Variants in SSBP3 observed in about 807,000 individuals in gnomAD.
SSBP3 encodes the protein single-stranded DNA-binding protein 3.
SSBP3 carries 5 observed loss-of-function variants against 69.6 expected under a neutral mutation model. That is an observed-to-expected ratio of 0.07 (90% CI 0.04 to 0.15). The LOEUF is 0.15. Among genes scored for constraint, SSBP3 ranks in the 10% least tolerant of loss-of-function variants. The pLI is 1.00. For missense variants in SSBP3, 312 were observed against 534.0 expected (o/e 0.58, Z 4.10); for synonymous variants, 196 against 193.4 (o/e 1.01, Z -0.11).
chr1:54,249,152 T>C (rs1017214465), intron 9 of SSBP3, among the ~76,000 whole-genome samples: 6 of 152,164 alleles, frequency 3.9e-5, no homozygotes, highest in Non-Finnish European at 8.8e-5. Flanking sequence ...CCAGAGGAAG[T>C]CCTGAACTGC....
At chr1:54,361,603 G>C (rs1347348150) in intron 4 of SSBP3, among the ~76,000 whole-genome samples, 2 of 152,178 alleles carry the variant, frequency 1.3e-5, no homozygotes, top group Admixed American at 1.3e-4. Context: ...GGGCCTCAGA[G>C]AGGAGGTGCG....
chr1:54,321,758 T>C (rs1457035724), intron 4 of SSBP3, among the ~76,000 whole-genome samples: 1 of 152,212 alleles, frequency 6.6e-6, no homozygotes, highest in Non-Finnish European at 1.5e-5. Context: ...GTCTTCCATG[T>C]GCTATTCTGG....
rs80330572 is a variant in SSBP3, at chr1:54,286,177, T to C, written c.277-4650A>G. The stretch of plus-strand genomic sequence containing the variant: ...AGCCCACAGATAACAGTGGGTGACA[T>C]TGGGTTCTAACCGCCCAGGCCTTCC... On this transcript the variant is annotated intron_variant, in intron 4 of 17. Transcript: ENST00000610401. Among the ~76,000 whole-genome samples, 203 of 152,200 alleles carry C rather than the reference T, an allele frequency of 1.3e-3. No individual in the cohort carries two copies. The East Asian group carries it at 0.019, about 15-fold the overall frequency.
chr1:54,348,750 T>C (rs986032994), intron 4 of SSBP3, among the ~76,000 whole-genome samples: 1 of 152,288 alleles, frequency 6.6e-6, no homozygotes. Context: ...TTCCCCACCA[T>C]AGATACAGCT....
chr1:54,277,191 C>T (rs1645304000), intron 5 of SSBP3, among the ~76,000 whole-genome samples: 1 of 150,302 alleles, frequency 6.7e-6, no homozygotes, highest in Non-Finnish European at 1.5e-5. Context: ...ATATGTACCA[C>T]CACCGACACA....
At chr1:54,384,120 A>AAAAAAAAAAAAAAAC (rs1647897397) in intron 4 of SSBP3, among the ~76,000 whole-genome samples, 1 of 151,764 alleles carries the variant, frequency 6.6e-6, no homozygotes, top group Non-Finnish European at 1.5e-5. Context: ...AAAAAAAAAA[A>AAAAAAAAAAAAAAAC]AAAAAGCAAG....
rs760833387 is a variant in SSBP3 at position 54,239,232 on chromosome 1, G to GA, written c.857-34dup. ...ACAGTGGAAACCCACAAGTCGGGGT[G>GA]ATTAATTCGTTTCTTAATTAAAACA... On this transcript the variant is annotated intron_variant, in intron 13 of 17. Coordinates refer to ENST00000610401, the Ensembl canonical transcript of SSBP3. 6 of 1,545,646 alleles carry GA rather than the reference G, an allele frequency of 3.9e-6. No individual in the cohort carries two copies. The African/African-American group carries it at 6.9e-5, about 18-fold the overall frequency.
intron 4 of SSBP3, among the ~76,000 whole-genome samples, chr1:54,328,618 C>T (rs539782088): frequency 6.6e-6 from 1 of 152,338 alleles, no homozygotes; most frequent in East Asian, 1.9e-4. Context: ...TTGACATCTT[C>T]ACTCACATCT....
chr1:54,387,576 T>C (rs180808774), intron 4 of SSBP3, among the ~76,000 whole-genome samples: 73 of 152,304 alleles, frequency 4.8e-4, no homozygotes, highest in African/African-American at 1.7e-3. Context: ...CTGTCAAAAT[T>C]AGCATTCAGT....
chr1:54,301,607 G>A (rs899792231), intron 4 of SSBP3, among the ~76,000 whole-genome samples: 3 of 152,226 alleles, frequency 2.0e-5, no homozygotes, highest in African/African-American at 7.2e-5. Flanking sequence ...TAACCCTGAA[G>A]AGGCGCTCAG....
intron 5 of SSBP3, among the ~76,000 whole-genome samples, chr1:54,279,141 G>T (rs1645345048): frequency 6.6e-6 from 1 of 152,198 alleles, no homozygotes. Flanking sequence ...CCAGGAAGCA[G>T]AGAGGCCAAG....
At chr1:54,298,016 A>T (rs1312404817) in intron 4 of SSBP3, among the ~76,000 whole-genome samples, 1 of 152,152 alleles carries the variant, frequency 6.6e-6, no homozygotes, top group East Asian at 1.9e-4. Context: ...GCTGGGCCAG[A>T]TGCGCAGGCC....
At chr1:54,346,049 T>C (rs966681521) in intron 4 of SSBP3, among the ~76,000 whole-genome samples, 1 of 150,966 alleles carries the variant, frequency 6.6e-6, no homozygotes, top group Non-Finnish European at 1.5e-5. Flanking sequence ...TGTACTCCCA[T>C]CTACTCAGGA....
chr1:54,402,035 T>G (rs953436255), intron 3 of SSBP3, 90 bp from the exon 4 acceptor site: 4 of 1,136,776 alleles, frequency 3.5e-6, no homozygotes, highest in Non-Finnish European at 5.1e-6. Flanking sequence ...CTAACAGTAC[T>G]AGGTCTCCCA....
intron 4 of SSBP3, among the ~76,000 whole-genome samples, chr1:54,284,441 G>C (rs988463122): frequency 1.4e-5 from 2 of 145,126 alleles, no homozygotes; most frequent in Non-Finnish European, 3.0e-5. Context: ...TGAGGATCTA[G>C]ACTAAGGGTA....
intron 4 of SSBP3, among the ~76,000 whole-genome samples, chr1:54,376,321 C>T (rs540218513): frequency 2.3e-4 from 35 of 152,320 alleles, no homozygotes; most frequent in African/African-American, 7.2e-4. Context: ...CACAATTCCA[C>T]TTTTAGGCAT....
intron 5 of SSBP3, among the ~76,000 whole-genome samples, chr1:54,259,763 G>A (rs1283228928): frequency 2.0e-5 from 3 of 152,220 alleles, no homozygotes; most frequent in Non-Finnish European, 4.4e-5. Context: ...CGAGGGCGCC[G>A]CCGCTGTGAG....
chr1:54,374,403 C>T (rs1220440632), intron 4 of SSBP3, among the ~76,000 whole-genome samples: 1 of 152,234 alleles, frequency 6.6e-6, no homozygotes, highest in South Asian at 2.1e-4. Flanking sequence ...CTTCAGTAAG[C>T]CCCAAAAGGG....
chr1:54,307,846 C>T (rs1328018055), intron 4 of SSBP3, among the ~76,000 whole-genome samples: 1 of 152,198 alleles, frequency 6.6e-6, no homozygotes, highest in Non-Finnish European at 1.5e-5. Context: ...GCATGAATAA[C>T]CCACCCCTTA....
Sources: gnomAD v4.1 joint callset for allele counts (sites outside exome capture counted in the v4.1 genomes callset) on GRCh38, gnomAD v4.1.1 for gene constraint, MANE v1.5 for transcripts, NCBI Gene and HGNC (gene_info 2026-07-23, HGNC 2026-07-21) for gene names.